The following PAM variants were observed in gnomAD, a reference collection of about 807,000 sequenced individuals.
The protein encoded by PAM is peptidyl-glycine alpha-amidating monooxygenase.
A neutral mutation model predicts 122.1 loss-of-function variants in PAM; 72 were observed. That is an observed-to-expected ratio of 0.59 (90% CI 0.49 to 0.72). PAM has a LOEUF of 0.72. Ranked by LOEUF, PAM falls within the 30% of genes least tolerant of loss-of-function variation. The pLI is 0.00. For synonymous variants in PAM, 389 were observed against 404.4 expected (o/e 0.96, Z 0.46); for missense variants, 1,106 against 1,183.7 (o/e 0.93, Z 0.96).
At chr5:102,805,064 C>CTTTTTT (rs527963126) in intron 1 of PAM, among the ~76,000 whole-genome samples, 8 of 103,776 alleles carry the variant, frequency 7.7e-5, no homozygotes, top group African/African-American at 1.5e-4. Flanking sequence ...GGGAATTTTC[C>CTTTTTT]TTTTTTTTTT....
At chr5:102,981,979 T>G (rs1351163977) in intron 15 of PAM, among the ~76,000 whole-genome samples, 1 of 152,154 alleles carries the variant, frequency 6.6e-6, no homozygotes, top group African/African-American at 2.4e-5. Context: ...TGTTTTAAAT[T>G]TCCCATGGAC....
chr5:102,823,304 T>C (rs1347502900), intron 1 of PAM, among the ~76,000 whole-genome samples: 1 of 152,182 alleles, frequency 6.6e-6, no homozygotes, highest in Non-Finnish European at 1.5e-5. Flanking sequence ...TTAGCAACAC[T>C]GAGTTGAAAT....
chr5:102,856,720 T>G (rs1782733077), intron 1 of PAM, among the ~76,000 whole-genome samples: 1 of 152,178 alleles, frequency 6.6e-6, no homozygotes, highest in Non-Finnish European at 1.5e-5. Flanking sequence ...AATAAAATTT[T>G]TTACTTTTGG....
intron 15 of PAM, among the ~76,000 whole-genome samples, chr5:102,988,803 T>C (rs1476927645): frequency 6.6e-6 from 1 of 152,196 alleles, no homozygotes; most frequent in Non-Finnish European, 1.5e-5. Flanking sequence ...GTGCTATGTT[T>C]TGTTAATTTT....
intron 17 of PAM, among the ~76,000 whole-genome samples, chr5:103,004,651 T>C (rs1362025393): frequency 6.6e-6 from 1 of 152,216 alleles, no homozygotes; most frequent in Non-Finnish European, 1.5e-5. Flanking sequence ...ACAGCCCATG[T>C]TGGCTGGAGG....
chr5:102,961,502 A>G (rs1762485464), intron 14 of PAM, among the ~76,000 whole-genome samples: 1 of 151,928 alleles, frequency 6.6e-6, no homozygotes, highest in South Asian at 2.1e-4. Flanking sequence ...TATAGTACAA[A>G]TAAGTGCAAG....
chr5:103,015,674 G>A (rs534115274), intron 21 of PAM, among the ~76,000 whole-genome samples: 300 of 152,160 alleles, frequency 2.0e-3, no homozygotes, highest in Non-Finnish European at 3.6e-3. Context: ...CATCTACCAC[G>A]CCTCCCCCTG....
intron 1 of PAM, among the ~76,000 whole-genome samples, chr5:102,764,997 C>T (rs1753462835): frequency 6.6e-6 from 1 of 151,988 alleles, no homozygotes; most frequent in African/African-American, 2.4e-5. Flanking sequence ...ATCATGAAGC[C>T]TCTTTTCTTT....
intron 1 of PAM, among the ~76,000 whole-genome samples, chr5:102,768,531 T>A (rs1355457526): frequency 6.6e-6 from 1 of 152,186 alleles, no homozygotes; most frequent in Non-Finnish European, 1.5e-5. Context: ...CATTCTACTA[T>A]CTCCATGAGT....
intron 21 of PAM, among the ~76,000 whole-genome samples, chr5:103,012,440 G>T (rs552048159): frequency 6.6e-6 from 1 of 151,468 alleles, no homozygotes; most frequent in East Asian, 1.9e-4. Flanking sequence ...TGATTTTTGT[G>T]TAAAGTGAGA....
chr5:102,851,006 G>A (rs1781234106), intron 1 of PAM, among the ~76,000 whole-genome samples: 1 of 152,174 alleles, frequency 6.6e-6, no homozygotes, highest in African/African-American at 2.4e-5. Flanking sequence ...AAGCAGATTA[G>A]TTTATTGACT....
intron 11 of PAM, 106 bp from the exon 12 acceptor site, chr5:102,950,611 C>G: frequency 1.5e-6 from 1 of 681,834 alleles, no homozygotes; most frequent in Non-Finnish European, 2.6e-6. Flanking sequence ...CATGATTAAA[C>G]CCTCAAAAAA....
chr5:102,961,058 C>A, intron 13 of PAM, 100 bp from the exon 14 acceptor site: 2 of 651,420 alleles, frequency 3.1e-6, no homozygotes, highest in Admixed American at 2.2e-5. Flanking sequence ...GCACAAGACC[C>A]TGAATAGTAT....
At chr5:102,806,150 GTATTGCCTAGATAACCTT>G (rs1414520371) in intron 1 of PAM, among the ~76,000 whole-genome samples, 7 of 152,156 alleles carry the variant, frequency 4.6e-5, no homozygotes, top group African/African-American at 1.7e-4. Flanking sequence ...TTTTGTGTGT[GTATTGCCTAGATAACCTT>G]TATTTGCTTT....
chr5:102,851,727 T>C (rs1781394880), intron 1 of PAM, among the ~76,000 whole-genome samples: 1 of 152,336 alleles, frequency 6.6e-6, no homozygotes, highest in South Asian at 2.1e-4. Flanking sequence ...TGTTTTAATA[T>C]CTTAAAATAA....
intron 16 of PAM, among the ~76,000 whole-genome samples, chr5:102,998,167 A>G (rs1186094156): frequency 6.6e-6 from 1 of 152,234 alleles, no homozygotes; most frequent in Non-Finnish European, 1.5e-5. Flanking sequence ...CTCCTCATCA[A>G]TAAATTGTAG....
chr5:102,772,158 T>G (rs1755970468), intron 1 of PAM, among the ~76,000 whole-genome samples: 1 of 152,166 alleles, frequency 6.6e-6, no homozygotes, highest in African/African-American at 2.4e-5. Context: ...GTTGTAATTA[T>G]TCTTTGAGAT....
At chr5:103,003,404 C>A (rs1459542436) in intron 17 of PAM, among the ~76,000 whole-genome samples, 1 of 152,122 alleles carries the variant, frequency 6.6e-6, no homozygotes, top group Non-Finnish European at 1.5e-5. Context: ...TGAGAACTGT[C>A]TGTTCAGGTC....
chr5:103,020,116 A>T (rs1025899961), intron 23 of PAM, among the ~76,000 whole-genome samples: 6 of 152,152 alleles, frequency 3.9e-5, no homozygotes, highest in Non-Finnish European at 4.4e-5. Flanking sequence ...TGAGCCAGAG[A>T]TATTCCGAGA....
Sources: gnomAD v4.1 joint callset for allele counts (sites outside exome capture counted in the v4.1 genomes callset) on GRCh38, gnomAD v4.1.1 for gene constraint, MANE v1.5 for transcripts, NCBI Gene and HGNC (gene_info 2026-07-23, HGNC 2026-07-21) for gene names.